Variants in STK32B observed in about 807,000 individuals in gnomAD.
The protein encoded by STK32B is serine/threonine kinase 32B.
STK32B carries 43 observed loss-of-function variants against 52.6 expected under a neutral mutation model. The observed-to-expected ratio is 0.82, with a 90% confidence interval of 0.64 to 1.05. The LOEUF is 1.05. Ranked by LOEUF, STK32B falls within the 50% of genes least tolerant of loss-of-function variation. The pLI is 0.00. For synonymous variants in STK32B, 238 were observed against 204.3 expected, an observed-to-expected ratio of 1.17 and a Z score of -1.41; for missense variants, 621 against 534.6, an observed-to-expected ratio of 1.16 and a Z score of -1.59.
chr4:5,290,422 TG>T (rs1728825739), intron 3 of STK32B, among the ~76,000 whole-genome samples: 1 of 152,198 alleles, frequency 6.6e-6, no homozygotes, highest in African/African-American at 2.4e-5. Context: ...TAAACTTTTT[TG>T]TTAAATACTA....
chr4:5,386,203 C>G lies in STK32B; in HGVS notation c.435-12004C>G, dbSNP rs1380724089. Among the ~76,000 whole-genome samples the G allele has an allele frequency of 1.3e-5, 2 of 152,056 alleles. No individual in the cohort carries two copies. The highest frequency in any genetic ancestry group is 2.4e-5 in the African/African-American group (1 of 41,398). ...CTCACACAGCACCCTCACTCTCCCC[C>G]TCTATTTCCCTCAGCGTATCATATT... On this transcript the variant is annotated intron_variant, in intron 4 of 11. Transcript: ENST00000282908. The surrounding 1 kb of genome is among the most constrained non-coding windows in gnomAD (Gnocchi z 4.5).
In STK32B at chr4:5,499,095, T is replaced by G; in HGVS notation, c.*12T>G. The G allele has an allele frequency of 6.2e-7, 1 of 1,605,836 alleles. No homozygotes were observed. The highest frequency in any genetic ancestry group is 8.5e-7 in the Non-Finnish European group (1 of 1,175,554). On this transcript the variant is annotated 3_prime_UTR_variant, in exon 12 of 12. Coordinates refer to ENST00000282908, the MANE Select transcript of STK32B (RefSeq NM_018401.3). ...GCTGCAGCAGCTGAGCCCACACTTG[T>G]TGCTGCTCAACAGGACTGCACTCGT...
At chr4:5,375,137 C>G (rs550271102) in intron 4 of STK32B, among the ~76,000 whole-genome samples, 1 of 152,168 alleles carries the variant, frequency 6.6e-6, no homozygotes, top group African/African-American at 2.4e-5. Flanking sequence ...ACTCCAGGCG[C>G]CCAGCCTGCC....
chr4:5,153,519 G>T (rs1717545065), intron 2 of STK32B, among the ~76,000 whole-genome samples: 1 of 149,324 alleles, frequency 6.7e-6, no homozygotes. Flanking sequence ...GAAAAAAAAA[G>T]CTCTAAAGAA....
At chr4:5,117,147 T>C (rs1478182971) in intron 1 of STK32B, among the ~76,000 whole-genome samples, 2 of 152,232 alleles carry the variant, frequency 1.3e-5, no homozygotes, top group African/African-American at 4.8e-5. Flanking sequence ...TCTTGTCTAA[T>C]TGCTCCGGCT....
At chr4:5,033,241 C>T in the STK32B span, among the ~76,000 whole-genome samples, 84,492 of 151,874 alleles carry the variant, frequency 0.56, 23,989 homozygotes, top group East Asian at 0.88. Context: ...ACTTACAACA[C>T]GGTAGGTGAT....
At chr4:5,049,330 G>A (rs573578578), upstream of STK32B, among the ~76,000 whole-genome samples, 5 of 152,240 alleles carry the variant, frequency 3.3e-5, no homozygotes, top group South Asian at 2.1e-4. Context: ...CCGAGTAGCC[G>A]GGATTACAGG....
At chr4:5,046,076 A>G in the STK32B span, among the ~76,000 whole-genome samples, 1 of 152,236 alleles carries the variant, frequency 6.6e-6, no homozygotes, top group Non-Finnish European at 1.5e-5. Context: ...AGCAAAAAGA[A>G]TAAAGCTGGA....
chr4:5,497,956 T>C (rs908132887), intron 11 of STK32B, among the ~76,000 whole-genome samples: 3 of 152,158 alleles, frequency 2.0e-5, no homozygotes, highest in African/African-American at 7.2e-5. Context: ...GTAGAACTAA[T>C]AGTAATTATT....
rs1185513018 is a variant in STK32B, at chr4:5,058,871, C to T, written c.52+6956C>T. ...GTTCAAGCGATTCTCATGCCTCAGC[C>T]TCCCCAGTACCTGGGATTACAGGCA... On this transcript the variant is annotated intron_variant, in intron 1 of 11. Transcript: ENST00000282908. This position sits in a 1 kb window ranked among gnomAD's most constrained non-coding sequence, Gnocchi z 4.8. 6.6e-6 allele frequency among the ~76,000 whole-genome samples: 1 copy of T among 152,124 alleles called. No individual in the cohort carries two copies. Among genetic ancestry groups the T allele is most frequent in the Non-Finnish European group, 1.5e-5 (1 of 68,026 alleles).
intron 1 of STK32B, among the ~76,000 whole-genome samples, chr4:5,125,726 G>A (rs1309198874): frequency 6.6e-6 from 1 of 152,142 alleles, no homozygotes; most frequent in Non-Finnish European, 1.5e-5. Context: ...CTTTCTATCT[G>A]CTTCTGCTTT....
chr4:5,379,336 CTG>C (rs1197653376), intron 4 of STK32B, among the ~76,000 whole-genome samples: 1 of 152,116 alleles, frequency 6.6e-6, no homozygotes, highest in African/African-American at 2.4e-5. Context: ...AGCCTTGTCT[CTG>C]TGCTGACTGC....
At chr4:5,475,200 T>C (rs573778016) in intron 11 of STK32B, among the ~76,000 whole-genome samples, 162 of 152,026 alleles carry the variant, frequency 1.1e-3, no homozygotes, top group African/African-American at 3.8e-3. Flanking sequence ...GGCTGGCGAA[T>C]CACGAGGTCA....
intron 3 of STK32B, among the ~76,000 whole-genome samples, chr4:5,286,394 C>T (rs1560286733): frequency 1.3e-5 from 2 of 150,930 alleles, no homozygotes; most frequent in Non-Finnish European, 3.0e-5. Context: ...TTGAGTTTCA[C>T]CTGGGAACAC....
In STK32B at chr4:5,497,724, T is replaced by A. The variant is rs565726859; in HGVS notation, c.1107-1221T>A. On this transcript the variant is annotated intron_variant, in intron 11 of 11. Transcript: ENST00000282908. ...TCCCACTGTGCGCACACACACACAC[T>A]CATACACACAACTGTGACCTGTCTA... Among the ~76,000 whole-genome samples, 7 of 149,988 alleles carry A rather than the reference T, an allele frequency of 4.7e-5. No individual in the cohort carries two copies. The South Asian group carries it at 1.5e-3, about 32-fold the overall frequency.
At chr4:5,041,425 G>T in the STK32B span, among the ~76,000 whole-genome samples, 36 of 152,286 alleles carry the variant, frequency 2.4e-4, no homozygotes, top group South Asian at 2.9e-3. Context: ...CTGGTTCACA[G>T]TACAGCTAGA....
At chr4:5,297,145 C>T (rs558955109) in intron 3 of STK32B, among the ~76,000 whole-genome samples, 116 of 152,250 alleles carry the variant, frequency 7.6e-4, no homozygotes, top group Admixed American at 1.8e-3. Context: ...CAGAGATATC[C>T]GCTATTAGTC....
the STK32B span, among the ~76,000 whole-genome samples, chr4:5,042,402 G>A: frequency 1.3e-5 from 2 of 152,204 alleles, no homozygotes; most frequent in South Asian, 2.1e-4. Context: ...CCAGGCAAGA[G>A]GGCAAGACCT....
At chr4:5,300,948 G>T (rs1414402434) in intron 3 of STK32B, among the ~76,000 whole-genome samples, 1 of 151,530 alleles carries the variant, frequency 6.6e-6, no homozygotes, top group Non-Finnish European at 1.5e-5. Flanking sequence ...AAATTAGGGG[G>T]ACACCTCCTT....
Sources: gnomAD v4.1 joint callset for allele counts (sites outside exome capture counted in the v4.1 genomes callset) on GRCh38, gnomAD v4.1.1 for gene constraint, Gnocchi (gnomAD v3.1) non-coding constraint, MANE v1.5 for transcripts, NCBI Gene and HGNC (gene_info 2026-07-23, HGNC 2026-07-21) for gene names.